The following NAALADL2 variants were observed in gnomAD, a reference collection of about 807,000 sequenced individuals.
NAALADL2 encodes the protein inactive N-acetylated-alpha-linked acidic dipeptidase-like protein 2.
In NAALADL2, 76 loss-of-function variants were observed where a neutral mutation model predicts 87.2. The observed-to-expected ratio is 0.87, with a 90% CI of 0.72 to 1.05. The LOEUF (loss-of-function observed/expected upper bound fraction) is 1.05, where lower values mean the gene tolerates loss of function less well. Ranked by LOEUF, NAALADL2 falls within the 50% of genes least tolerant of loss-of-function variation. The pLI, the probability that NAALADL2 is intolerant of heterozygous loss-of-function variation, is 0.00. For synonymous variants in NAALADL2, 354 were observed against 331.0 expected, an observed-to-expected ratio of 1.07 and a Z score of -0.75; for missense variants, 1,089 against 945.8, an observed-to-expected ratio of 1.15 and a Z score of -1.99.
intron 5 of NAALADL2, among the ~76,000 whole-genome samples, chr3:175,443,956 A>G (rs1720252723): frequency 6.6e-6 from 1 of 152,228 alleles, no homozygotes; most frequent in Admixed American, 6.5e-5. Flanking sequence ...TGAGTACTTT[A>G]GATGCATGTG....
chr3:175,785,724 T>A (rs1174454419), intron 13 of NAALADL2, among the ~76,000 whole-genome samples: 23 of 144,694 alleles, frequency 1.6e-4, no homozygotes, highest in African/African-American at 5.9e-4. Flanking sequence ...AATATTGTTA[T>A]GTGTGAATTT....
chr3:174,845,792 G>C (rs1379629589), intron 3 of NAALADL2, among the ~76,000 whole-genome samples: 1 of 152,096 alleles, frequency 6.6e-6, no homozygotes, highest in Non-Finnish European at 1.5e-5. Context: ...TTAAGGTCTT[G>C]GTCATTCCTT....
intron 5 of NAALADL2, among the ~76,000 whole-genome samples, chr3:175,431,251 T>C (rs1717705806): frequency 6.6e-6 from 1 of 152,020 alleles, no homozygotes; most frequent in East Asian, 1.9e-4. Flanking sequence ...ACTTCACGAG[T>C]TGGGCATACT....
At chr3:175,464,770 C>T (rs1407318834) in intron 7 of NAALADL2, among the ~76,000 whole-genome samples, 1 of 152,176 alleles carries the variant, frequency 6.6e-6, no homozygotes, top group Non-Finnish European at 1.5e-5. Flanking sequence ...GATTTCTTTA[C>T]AGTCACAATG....
intron 4 of NAALADL2, among the ~76,000 whole-genome samples, chr3:175,264,414 A>G (rs61349681): frequency 0.32 from 48,199 of 151,506 alleles, 8,439 homozygotes; most frequent in South Asian, 0.54. Context: ...CATGAATTTA[A>G]TGATGGAGAA....
intron 3 of NAALADL2, among the ~76,000 whole-genome samples, chr3:174,760,031 A>C (rs980399113): frequency 1.3e-5 from 2 of 152,224 alleles, no homozygotes; most frequent in Admixed American, 1.3e-4. Flanking sequence ...AATGTTTCAC[A>C]GTACACAGAA....
chr3:174,444,644 G>A (rs1290990527), intron 1 of NAALADL2, among the ~76,000 whole-genome samples: 1 of 152,164 alleles, frequency 6.6e-6, no homozygotes, highest in East Asian at 1.9e-4. Context: ...CTCACCTCCC[G>A]TGGAGCTTAT....
intron 2 of NAALADL2, among the ~76,000 whole-genome samples, chr3:175,136,351 G>A (rs1180147843): frequency 6.6e-6 from 1 of 152,168 alleles, no homozygotes; most frequent in Non-Finnish European, 1.5e-5. Flanking sequence ...ACTGTGTCTA[G>A]CTTAAATGGT....
At chr3:175,446,215 A>C (rs1720655905) in intron 5 of NAALADL2, among the ~76,000 whole-genome samples, 1 of 124,088 alleles carries the variant, frequency 8.1e-6, no homozygotes, top group African/African-American at 3.1e-5. Context: ...AAAACATCTG[A>C]GGAGTCCAGG....
chr3:174,856,904 G>T (rs1725918101), upstream of NAALADL2, among the ~76,000 whole-genome samples: 1 of 152,114 alleles, frequency 6.6e-6, no homozygotes, highest in African/African-American at 2.4e-5. Context: ...TAAATTTGTG[G>T]GTGGAAGATA....
intron 1 of NAALADL2, among the ~76,000 whole-genome samples, chr3:174,498,499 C>T (rs9854527): frequency 0.21 from 31,089 of 151,356 alleles, 3,476 homozygotes; most frequent in Middle Eastern, 0.3. Flanking sequence ...AAAGCTGCTA[C>T]GAACATTCAT....
In NAALADL2 at chr3:175,497,659, TTA is replaced by T. The variant is rs200946550; in HGVS notation, c.1653+25903_1653+25904del. Among the ~76,000 whole-genome samples, 867 of 151,662 alleles carry T rather than the reference TTA, an allele frequency of 5.7e-3. 9 individuals carry two copies. Among genetic ancestry groups the T allele is most frequent in the African/African-American group, 0.02 (827 of 40,980 alleles). On this transcript the variant is annotated intron_variant, in intron 9 of 13. Transcript: ENST00000454872. ...CTCAAGGTCGGTACTGTTCTTTTTT[TTA>T]TTTTTTTCCTTTGGGTGGATTTTGT... is the stretch of plus-strand genomic sequence containing the variant.
chr3:174,997,995 C>G (rs1747748663), intron 1 of NAALADL2, among the ~76,000 whole-genome samples: 3 of 152,114 alleles, frequency 2.0e-5, no homozygotes, highest in Admixed American at 2.0e-4. Context: ...GTTTTTTACT[C>G]TTGCATCATT....
chr3:174,920,444 G>A (rs1413933270), intron 1 of NAALADL2, among the ~76,000 whole-genome samples: 2 of 152,140 alleles, frequency 1.3e-5, no homozygotes, highest in African/African-American at 4.8e-5. Flanking sequence ...AATCTCATGA[G>A]CTAACCTCTA....
At chr3:175,120,933 C>T (rs760634558) in intron 2 of NAALADL2, among the ~76,000 whole-genome samples, 6 of 151,908 alleles carry the variant, frequency 3.9e-5, no homozygotes, top group African/African-American at 1.2e-4. Context: ...TTGATTCACA[C>T]GTCTTTCATA....
At chr3:175,032,026 A>G (rs1752852167) in intron 1 of NAALADL2, among the ~76,000 whole-genome samples, 1 of 152,052 alleles carries the variant, frequency 6.6e-6, no homozygotes, top group South Asian at 2.1e-4. Flanking sequence ...CCTTTGACCA[A>G]TGCATAGTTT....
intron 13 of NAALADL2, among the ~76,000 whole-genome samples, chr3:175,761,470 G>A (rs1747997983): frequency 6.6e-6 from 1 of 152,164 alleles, no homozygotes; most frequent in Non-Finnish European, 1.5e-5. Flanking sequence ...ATATTTTGGT[G>A]CAGGCTTTTT....
At chr3:175,159,599 T>C (rs1732822589) in intron 2 of NAALADL2, among the ~76,000 whole-genome samples, 1 of 152,200 alleles carries the variant, frequency 6.6e-6, no homozygotes, top group Non-Finnish European at 1.5e-5. Context: ...ATAACACCAA[T>C]GATTTTTCAA....
At chr3:175,392,458 A>G in intron 5 of NAALADL2, among the ~76,000 whole-genome samples, 1 of 152,188 alleles carries the variant, frequency 6.6e-6, no homozygotes, top group East Asian at 1.9e-4. Flanking sequence ...ATGAAATCAT[A>G]GCTCTTCCTC....
Sources: gnomAD v4.1 joint callset for allele counts (sites outside exome capture counted in the v4.1 genomes callset) on GRCh38, gnomAD v4.1.1 for gene constraint, MANE v1.5 for transcripts, NCBI Gene and HGNC (gene_info 2026-07-23, HGNC 2026-07-21) for gene names.